PER2: variants seen among roughly 807,000 people sequenced by gnomAD.
PER2 encodes period circadian regulator 2.
A neutral mutation model predicts 121.0 loss-of-function variants in PER2; 66 were observed. The ratio of observed to expected loss-of-function variants is 0.55; its 90% CI spans 0.45 to 0.67. The LOEUF is 0.67. Ranked by LOEUF, PER2 falls within the 30% of genes least tolerant of loss-of-function variation. PER2 has a pLI of 0.00. For missense variants in PER2, 1,521 were observed against 1,635.0 expected (o/e 0.93, Z 1.20); for synonymous variants, 684 against 659.9 (o/e 1.04, Z -0.56).
intron 2 of PER2, 46 bp from the exon 3 acceptor site, chr2:238,277,239 C>A: frequency 8.3e-7 from 1 of 1,210,118 alleles, no homozygotes; most frequent in Non-Finnish European, 1.2e-6. Flanking sequence ...ATTGTATGCT[C>A]CAGACACATC....
At position 238,253,557 on chromosome 2, in the gene PER2, C is replaced by A. The variant is rs34409863; in HGVS notation, c.2466G>T (p.Pro822=). ...GSGGPVSARP[P]LVGLNATAWS... ...AGGCTGTGGCGTTCAAGCCCACCAG[C>A]GGGGGCCGGGCGGACACGGGCCCCC... Residue 822 remains proline, a synonymous_variant, in exon 19 of 23, where the codon CCG becomes CCT. Transcript: ENST00000254657. The surrounding 1 kb of genome is among the most constrained non-coding windows in gnomAD (Gnocchi z 5.6). 1 of 1,610,500 alleles carries A rather than the reference C, an allele frequency of 6.2e-7. No individual in the cohort carries two copies. Among genetic ancestry groups the A allele is most frequent in the South Asian group, 1.1e-5 (1 of 90,712 alleles).
At chr2:238,246,972 G>T (rs1695467673) in intron 22 of PER2, among the ~76,000 whole-genome samples, 1 of 152,218 alleles carries the variant, frequency 6.6e-6, no homozygotes, top group Non-Finnish European at 1.5e-5. Context: ...TGTCCCAGGA[G>T]CTGGCACTCT....
chr2:238,297,431 C>G, the PER2 span, among the ~76,000 whole-genome samples: 1 of 152,160 alleles, frequency 6.6e-6, no homozygotes, highest in African/African-American at 2.4e-5. Context: ...TCTGAATCCT[C>G]TGAGAAGGGA....
At chr2:238,259,857 G>GCT in intron 14 of PER2, 112 bp downstream of exon 14, 1 of 677,482 alleles carries the variant, frequency 1.5e-6, no homozygotes, top group South Asian at 1.6e-5. Context: ...GTGTGACACG[G>GCT]CTACAAGGTA....
Position 238,252,719 on chromosome 2 carries a change from T to G in PER2, c.3111+193A>C, listed in dbSNP as rs899883057. The stretch of plus-strand genomic sequence containing the variant: ...TTCAGATTCCACGACAATAAAAGGC[T>G]TCGAATAATCTACTCTGATAGGATT... On this transcript the variant is annotated intron_variant, in intron 19 of 22. Coordinates refer to ENST00000254657, the MANE Select transcript of PER2 (RefSeq NM_022817.3). The surrounding 1 kb of genome is among the most constrained non-coding windows in gnomAD (Gnocchi z 4.2). Among the ~76,000 whole-genome samples, 1 of 152,336 alleles carries G rather than the reference T, an allele frequency of 6.6e-6. No individual in the cohort carries two copies.
At position 238,268,231 on chromosome 2, in the gene PER2, CTG is replaced by C. The variant is rs765798210; in HGVS notation, c.825-35_825-34del. On this transcript the variant is annotated intron_variant, in intron 7 of 22. Transcript: ENST00000254657. The surrounding 1 kb of genome is among the most constrained non-coding windows in gnomAD (Gnocchi z 4.0). ...GAAGAGCCACGCTCTAAGTTGGGAACTGTGACACAGGAACAGTCCCCTGTTCT... is the reference window on the plus strand; with the variant it reads ...GAAGAGCCACGCTCTAAGTTGGGAACTGACACAGGAACAGTCCCCTGTTCT... 1 of 1,610,928 alleles carries C rather than the reference CTG, an allele frequency of 6.2e-7. No individual in the cohort carries two copies. Among genetic ancestry groups the C allele is most frequent in the Admixed American group, 1.7e-5 (1 of 59,972 alleles).
intron 13 of PER2, 26 bp from the exon 14 acceptor site, chr2:238,260,079 T>TG: frequency 9.7e-7 from 1 of 1,031,030 alleles, no homozygotes; most frequent in Non-Finnish European, 1.5e-6. Flanking sequence ...AATGAACACA[T>TG]TATTCATTCT....
chr2:238,273,373 C>T (rs775689811), intron 4 of PER2, among the ~76,000 whole-genome samples, 182 bp from the exon 5 acceptor site: 5 of 152,146 alleles, frequency 3.3e-5, no homozygotes, highest in Admixed American at 6.5e-5. Context: ...AGACAGAAAT[C>T]GGGATATTTT....
chr2:238,274,755 T>C (rs1486558710), intron 4 of PER2, among the ~76,000 whole-genome samples: 1 of 152,224 alleles, frequency 6.6e-6, no homozygotes, highest in Non-Finnish European at 1.5e-5. Flanking sequence ...ATGCGGTATC[T>C]TTAGACCTGA....
intron 20 of PER2, among the ~76,000 whole-genome samples, 159 bp downstream of exon 20, chr2:238,251,440 G>T (rs768636024): frequency 2.6e-5 from 4 of 152,252 alleles, no homozygotes; most frequent in Non-Finnish European, 5.9e-5. Flanking sequence ...ATGCTGAACA[G>T]GGAGAGTGTG....
rs780984499 is a variant in PER2, at chr2:238,263,091, C to A, written c.1047-33G>T. 3.0e-5 allele frequency: 38 copies of A among 1,262,914 alleles called. No individual in the cohort carries two copies. The South Asian group carries it at 3.4e-4, about 11-fold the overall frequency. 78.2% of individuals were successfully genotyped at this position (1,262,914 alleles called of 1,614,324 possible). ...GCAAGCAGACACACGCTAGGATTGG[C>A]ATCCAAACAGATGAGGAGATTGTCA... On this transcript the variant is annotated intron_variant, in intron 9 of 22. Transcript: ENST00000254657.
At chr2:238,280,643 G>A (rs1042375757) in intron 1 of PER2, among the ~76,000 whole-genome samples, 4 of 152,190 alleles carry the variant, frequency 2.6e-5, no homozygotes, top group Non-Finnish European at 5.9e-5. Flanking sequence ...GATAGGAGAT[G>A]CGTGACAGAC....
At position 238,271,469 on chromosome 2, in the gene PER2, C is replaced by T; in HGVS notation, c.615G>A (p.Leu205=). ...VAVSLVSGKI[L]YISDQVASIF... is the part of the protein sequence containing the mutation. ...TGGATGCAACCTGGTCAGAGATGTA[C>T]AGGATCTTCCCAGACACCAGGGACA... Residue 205 remains leucine, a synonymous_variant, in exon 6 of 23, where the codon CTG becomes CTA. Coordinates refer to ENST00000254657, the MANE Select transcript of PER2 (RefSeq NM_022817.3). 6.2e-7 allele frequency: 1 copy of T among 1,614,088 alleles called. No individual in the cohort carries two copies. Among genetic ancestry groups the T allele is most frequent in the Non-Finnish European group, 8.5e-7 (1 of 1,179,916 alleles).
At chr2:238,289,080 C>G (rs1185157310), upstream of PER2, 1 of 152,218 alleles carries the variant, frequency 6.6e-6, no homozygotes, top group Non-Finnish European at 1.5e-5. Context: ...AGCCCGCCAG[C>G]TCGGGGAGCG....
chr2:238,283,799 C>G lies in PER2; in HGVS notation c.-20+4550G>C, dbSNP rs551328483. Among the ~76,000 whole-genome samples the G allele has an allele frequency of 5.9e-5, 9 of 152,308 alleles. No homozygotes were observed. The South Asian group carries it at 1.9e-3, about 32-fold the overall frequency. On this transcript the variant is annotated intron_variant, in intron 1 of 22. Coordinates refer to ENST00000254657, the MANE Select transcript of PER2 (RefSeq NM_022817.3). ...GGCCGCCCAGGGTACCAAGGGCATT[C>G]TCTCACTCCTGACCCCTCAACACCC...
chr2:238,255,825 C>T lies in PER2; in HGVS notation c.2152G>A (p.Glu718Lys). Residue 718 changes from glutamate to lysine, a missense_variant, in exon 18 of 23, where the codon GAG (glutamate) becomes AAG (lysine). Coordinates refer to ENST00000254657, the MANE Select transcript of PER2 (RefSeq NM_022817.3). ...ALACGLSQEK[E>K]PFKKLGLTKE... Reference sequence around the variant, plus strand: ...GTGAGGCCCAGCTTCTTGAAGGGCTCCTTCTCTTGGCTGAGACCACAGGCC... The same window carrying T: ...GTGAGGCCCAGCTTCTTGAAGGGCTTCTTCTCTTGGCTGAGACCACAGGCC... 6.2e-7 allele frequency: 1 copy of T among 1,614,212 alleles called. No homozygotes were observed. The highest frequency in any genetic ancestry group is 8.5e-7 in the Non-Finnish European group (1 of 1,180,036).
chr2:238,278,843 T>C (rs1344269171), intron 1 of PER2, among the ~76,000 whole-genome samples: 1 of 152,066 alleles, frequency 6.6e-6, no homozygotes, highest in South Asian at 2.1e-4. Context: ...GCCAGGACAA[T>C]GTGGCTTCAC....
Position 238,271,406 on chromosome 2 carries a change from C to T in PER2, c.678G>A (p.Lys226=), listed in dbSNP as rs116439936. 1,037 of 1,614,178 alleles carry T rather than the reference C, an allele frequency of 6.4e-4. 10 individuals carry two copies. In the African/African-American group the frequency reaches 0.012, roughly 19 times the overall value. ...HCKRDAFSDA[K]FVEFLAPHDV... ...CGTGAGGCGCCAGGAACTCCACAAACTTGGCATCGCTGAAGGCATCTCTTT... is the reference window on the plus strand; with the variant it reads ...CGTGAGGCGCCAGGAACTCCACAAATTTGGCATCGCTGAAGGCATCTCTTT... Residue 226 remains lysine, a synonymous_variant, in exon 6 of 23, where the codon AAG becomes AAA. Transcript: ENST00000254657.
At chr2:238,259,829 T>G in intron 14 of PER2, 140 bp downstream of exon 14, 1 of 633,736 alleles carries the variant, frequency 1.6e-6, no homozygotes. Flanking sequence ...CTGCAGACTG[T>G]GCTGAACGCA....
Sources: allele counts gnomAD v4.1 joint callset (sites outside exome capture counted in the v4.1 genomes callset), GRCh38; gene constraint gnomAD v4.1.1; non-coding constraint Gnocchi (gnomAD v3.1); transcripts MANE v1.5; gene names NCBI Gene and HGNC (gene_info 2026-07-23, HGNC 2026-07-21).